Variants in ARHGAP24 observed in about 807,000 individuals in gnomAD.
ARHGAP24 encodes the protein Rho GTPase activating protein 24.
Under a neutral mutation model 76.4 loss-of-function variants are expected in ARHGAP24, and 50 were observed. The ratio of observed to expected loss-of-function variants is 0.65; its 90% CI spans 0.52 to 0.83. ARHGAP24 has a LOEUF of 0.83. Among genes scored for constraint, ARHGAP24 ranks in the 40% least tolerant of loss-of-function variants. The pLI is 0.00. For missense variants in ARHGAP24, 930 were observed against 914.2 expected (o/e 1.02, Z -0.22); for synonymous variants, 345 against 323.3 (o/e 1.07, Z -0.72).
intron 3 of ARHGAP24, among the ~76,000 whole-genome samples, chr4:85,889,749 C>T (rs963320598): frequency 1.4e-4 from 22 of 152,128 alleles, no homozygotes; most frequent in African/African-American, 5.3e-4. Flanking sequence ...GAAATGGCCT[C>T]TTCTATAAAT....
intron 3 of ARHGAP24, among the ~76,000 whole-genome samples, chr4:85,885,430 T>A (rs369710777): frequency 5.0e-4 from 76 of 152,262 alleles, no homozygotes; most frequent in African/African-American, 1.8e-3. Flanking sequence ...AACTCACGAA[T>A]ACCTATTAGC....
Position 85,624,147 on chromosome 4 carries a change from G to T in ARHGAP24, c.180+53426G>T, listed in dbSNP as rs554386876. On this transcript the variant is annotated intron_variant, in intron 2 of 9. Transcript: ENST00000395184. ...TGTTGAATAGGAGTGGTGAGAGAGG[G>T]CATCCCTGTCTTGTGCCCGTTTTCA... Among the ~76,000 whole-genome samples the T allele has an allele frequency of 2.6e-5, 4 of 152,232 alleles. No individual in the cohort carries two copies. The South Asian group carries it at 8.3e-4, about 32-fold the overall frequency.
chr4:85,747,458 C>T (rs1214853985), intron 3 of ARHGAP24, among the ~76,000 whole-genome samples: 3 of 152,174 alleles, frequency 2.0e-5, no homozygotes, highest in Non-Finnish European at 4.4e-5. Context: ...AATCCCAGCA[C>T]TTTGGGAGGC....
At chr4:85,563,746 T>C (rs1353231565) in intron 1 of ARHGAP24, among the ~76,000 whole-genome samples, 2 of 151,976 alleles carry the variant, frequency 1.3e-5, no homozygotes, top group African/African-American at 4.8e-5. Context: ...CTAGATGGAG[T>C]TGGAAAATGG....
At chr4:85,974,835 A>T in intron 6 of ARHGAP24, 53 bp from the exon 7 acceptor site, 1 of 1,559,876 alleles carries the variant, frequency 6.4e-7, no homozygotes, top group Non-Finnish European at 8.8e-7. Context: ...ACTTGCTTTA[A>T]TTCTAAGGCC....
At chr4:85,745,019 A>T (rs867954247) in intron 3 of ARHGAP24, among the ~76,000 whole-genome samples, 2 of 152,146 alleles carry the variant, frequency 1.3e-5, no homozygotes, top group Admixed American at 6.5e-5. Flanking sequence ...TCCACTATTA[A>T]TTCCAAACAA....
chr4:85,755,456 C>T (rs1056608492), intron 3 of ARHGAP24, among the ~76,000 whole-genome samples: 1 of 152,002 alleles, frequency 6.6e-6, no homozygotes. Flanking sequence ...ACACATCAAA[C>T]GACAATCACA....
chr4:85,885,345 T>A (rs995605218), intron 3 of ARHGAP24, among the ~76,000 whole-genome samples: 7 of 152,110 alleles, frequency 4.6e-5, no homozygotes, highest in African/African-American at 1.4e-4. Context: ...GGTTTTAAAA[T>A]ATATGTTTTT....
intron 8 of ARHGAP24, among the ~76,000 whole-genome samples, chr4:85,992,390 A>G (rs927249744): frequency 6.6e-6 from 1 of 152,114 alleles, no homozygotes; most frequent in Admixed American, 6.6e-5. Flanking sequence ...CTCATACTCC[A>G]TAATTGTGAC....
chr4:85,571,135 A>G (rs1056782114), intron 2 of ARHGAP24, among the ~76,000 whole-genome samples: 1 of 152,220 alleles, frequency 6.6e-6, no homozygotes, highest in Non-Finnish European at 1.5e-5. Flanking sequence ...CATTTTCAGT[A>G]TCAATTCTCA....
intron 2 of ARHGAP24, among the ~76,000 whole-genome samples, chr4:85,629,691 G>A (rs548663578): frequency 2.6e-5 from 4 of 152,188 alleles, no homozygotes; most frequent in Admixed American, 6.5e-5. Flanking sequence ...TTAGCCTACA[G>A]TGGTTCTGCT....
chr4:85,515,500 A>G (rs1163836269), intron 1 of ARHGAP24, among the ~76,000 whole-genome samples: 3 of 151,162 alleles, frequency 2.0e-5, no homozygotes, highest in East Asian at 1.9e-4. Flanking sequence ...ATATATATAT[A>G]TATATTCTTA....
intron 4 of ARHGAP24, among the ~76,000 whole-genome samples, chr4:85,934,773 C>T (rs1219473915): frequency 6.6e-6 from 1 of 152,178 alleles, no homozygotes; most frequent in Non-Finnish European, 1.5e-5. Context: ...CCTCGGCCTC[C>T]CAAAGTGCTG....
chr4:85,587,130 A>G (rs985557300), intron 2 of ARHGAP24, among the ~76,000 whole-genome samples: 7 of 152,294 alleles, frequency 4.6e-5, no homozygotes, highest in Non-Finnish European at 8.8e-5. Context: ...ATAAGTATCT[A>G]TGTTACTTTT....
At chr4:85,661,283 C>T (rs1722376747) in intron 2 of ARHGAP24, among the ~76,000 whole-genome samples, 1 of 152,060 alleles carries the variant, frequency 6.6e-6, no homozygotes, top group Admixed American at 6.6e-5. Context: ...GAGAATGAAT[C>T]TAAGAAACCA....
intron 2 of ARHGAP24, among the ~76,000 whole-genome samples, chr4:85,672,078 C>T (rs1011000731): frequency 1.3e-5 from 2 of 152,116 alleles, no homozygotes; most frequent in African/African-American, 4.8e-5. Context: ...GCTCAGAGAA[C>T]TTTTTGCACA....
intron 3 of ARHGAP24, among the ~76,000 whole-genome samples, chr4:85,894,093 G>A (rs1214173424): frequency 4.3e-4 from 13 of 30,226 alleles, no homozygotes; most frequent in African/African-American, 1.3e-3. Flanking sequence ...AAAACTTAGA[G>A]TATAATAAAA....
At chr4:85,814,977 C>T (rs1342379138) in intron 3 of ARHGAP24, among the ~76,000 whole-genome samples, 1 of 152,208 alleles carries the variant, frequency 6.6e-6, no homozygotes, top group Non-Finnish European at 1.5e-5. Flanking sequence ...GACTTCTTTG[C>T]ACTTGCAAGC....
intron 3 of ARHGAP24, among the ~76,000 whole-genome samples, chr4:85,863,400 T>C (rs1048679218): frequency 1.3e-4 from 20 of 152,126 alleles, no homozygotes; most frequent in African/African-American, 4.8e-4. Flanking sequence ...TTCATTTATT[T>C]AATTACTTGA....
Sources: gnomAD v4.1 joint callset for allele counts (sites outside exome capture counted in the v4.1 genomes callset) on GRCh38, gnomAD v4.1.1 for gene constraint, MANE v1.5 for transcripts, NCBI Gene and HGNC (gene_info 2026-07-23, HGNC 2026-07-21) for gene names.